SHCBP1: variants seen among roughly 807,000 people sequenced by gnomAD.
SHCBP1 encodes the protein SHC binding and spindle associated 1.
A neutral mutation model predicts 75.1 loss-of-function variants in SHCBP1; 60 were observed. The observed-to-expected ratio is 0.80, with a 90% CI of 0.65 to 0.99. The LOEUF is 0.99. Among genes scored for constraint, SHCBP1 ranks in the 50% least tolerant of loss-of-function variants. The probability of loss-of-function intolerance (pLI) is 0.00; values close to 1 mark genes in which losing one functional copy is unlikely to be tolerated. For missense variants in SHCBP1, 709 were observed against 809.4 expected (o/e 0.88, Z 1.50); for synonymous variants, 290 against 293.2 (o/e 0.99, Z 0.11).
chr16:46,584,754 T>A (rs912818694), intron 10 of SHCBP1, among the ~76,000 whole-genome samples: 3 of 152,204 alleles, frequency 2.0e-5, no homozygotes, highest in African/African-American at 7.2e-5. Flanking sequence ...ATTTCTTTCC[T>A]AATGCTATGC....
At chr16:46,608,737 GA>G (rs1965362591) in intron 4 of SHCBP1, among the ~76,000 whole-genome samples, 1 of 151,258 alleles carries the variant, frequency 6.6e-6, no homozygotes. Context: ...CCGAGTAGCT[GA>G]GATGGCACCC....
At position 46,621,334 on chromosome 16, in the gene SHCBP1, C is replaced by T. The variant is rs1320223317; in HGVS notation, c.26G>A (p.Gly9Asp). 1 of 1,611,342 alleles carries T rather than the reference C, an allele frequency of 6.2e-7. No homozygotes were observed. The highest frequency in any genetic ancestry group is 2.2e-5 in the East Asian group (1 of 44,852). MADGSLTG[G>D]GLEAAAMAPE... ...CGCCATGGCCGCTGCCTCCAGACCGCCGCCCGTCAGCGACCCGTCAGCCAT... is the reference window on the plus strand; with the variant it reads ...CGCCATGGCCGCTGCCTCCAGACCGTCGCCCGTCAGCGACCCGTCAGCCAT... The change falls in exon 1 of 13, where the codon GGC becomes GAC. Residue 9 changes from glycine (G) to aspartate (D), a missense_variant. Physicochemically the swap from Gly to Asp is moderately conservative, Grantham distance 94. Coordinates refer to ENST00000303383, the MANE Select transcript of SHCBP1 (RefSeq NM_024745.5).
In SHCBP1 at chr16:46,579,393, T is replaced by C. The variant is rs1271087050; in HGVS notation, c.*2336A>G. Among the ~76,000 whole-genome samples the C allele has an allele frequency of 2.6e-5, 4 of 152,130 alleles. No homozygotes were observed. In the East Asian group the frequency reaches 7.7e-4, roughly 29 times the overall value. ...TAGGCCTACTCATTATAATGAATCA[T>C]GTGAATAAAAATTAATATAAGCTTA... On this transcript the variant is annotated 3_prime_UTR_variant, in exon 13 of 13. Transcript: ENST00000303383.
chr16:46,583,792 A>C (rs1421217575), intron 11 of SHCBP1, 135 bp from the exon 12 acceptor site: 1 of 1,069,924 alleles, frequency 9.3e-7, no homozygotes, highest in Non-Finnish European at 1.3e-6. Context: ...CACAGTCTGC[A>C]CCCTTAGTGA....
chr16:46,578,650 A>C lies in SHCBP1; in HGVS notation c.*3079T>G, dbSNP rs1181824993. On this transcript the variant is annotated 3_prime_UTR_variant, in exon 13 of 13. Transcript: ENST00000303383. ...TAGTGAGAACTAAAAAAAGAGGAGA[A>C]TGTTCACCACATATAAGACTTTAAA... 1.3e-5 allele frequency among the ~76,000 whole-genome samples: 2 copies of C among 152,162 alleles called. No homozygotes were observed. Among genetic ancestry groups the C allele is most frequent in the Non-Finnish European group, 2.9e-5 (2 of 68,016 alleles).
intron 10 of SHCBP1, among the ~76,000 whole-genome samples, chr16:46,589,776 C>T (rs1162689531): frequency 6.6e-6 from 1 of 152,206 alleles, no homozygotes; most frequent in African/African-American, 2.4e-5. Context: ...ATGCCATCCC[C>T]ATCAAGCTAC....
Position 46,596,326 on chromosome 16 carries a change from T to C in SHCBP1, c.1346-656A>G, listed in dbSNP as rs529855401. Among the ~76,000 whole-genome samples the C allele has an allele frequency of 6.3e-4, 95 of 151,956 alleles. 1 individual carries two copies. The highest frequency in any genetic ancestry group is 5.9e-4 in the Non-Finnish European group (40 of 67,934). ...TTCAAGACCAACCTGGCCAACATGGTGAAAACCCGTCTCTACTAAAAAACA... is the reference window on the plus strand; with the variant it reads ...TTCAAGACCAACCTGGCCAACATGGCGAAAACCCGTCTCTACTAAAAAACA... On this transcript the variant is annotated intron_variant, in intron 9 of 12. Transcript: ENST00000303383.
intron 8 of SHCBP1, among the ~76,000 whole-genome samples, chr16:46,602,987 G>T (rs1309834200): frequency 6.6e-6 from 1 of 152,110 alleles, no homozygotes; most frequent in Admixed American, 6.5e-5. Context: ...AGTATACTTT[G>T]GTCAAGACAC....
intron 3 of SHCBP1, among the ~76,000 whole-genome samples, chr16:46,617,357 T>G (rs1009824816): frequency 4.6e-5 from 7 of 152,220 alleles, no homozygotes; most frequent in African/African-American, 1.7e-4. Flanking sequence ...TTAAACACTT[T>G]TTTGAAACCA....
In SHCBP1 at chr16:46,580,117, TC is replaced by T. The variant is rs1462376768; in HGVS notation, c.*1611del. ...TCCAGCCTGGGTGACAGAGCAAGACTCCATCTCAAAAAAAAAAAAAAAGTGA... is the reference window on the plus strand; with the variant it reads ...TCCAGCCTGGGTGACAGAGCAAGACTCATCTCAAAAAAAAAAAAAAAGTGA... On this transcript the variant is annotated 3_prime_UTR_variant, in exon 13 of 13. Transcript: ENST00000303383. Among the ~76,000 whole-genome samples, 1 of 143,080 alleles carries T rather than the reference TC, an allele frequency of 7.0e-6. No individual in the cohort carries two copies. Among genetic ancestry groups the T allele is most frequent in the African/African-American group, 2.6e-5 (1 of 38,380 alleles). 93.9% of individuals were successfully genotyped at this position (143,080 alleles called of 152,430 possible). A position where few individuals can be genotyped will look rare whatever the true frequency, so the allele number is the denominator to read the frequency against.
chr16:46,584,708 T>C (rs1456762609), intron 10 of SHCBP1, among the ~76,000 whole-genome samples: 1 of 152,200 alleles, frequency 6.6e-6, no homozygotes, highest in African/African-American at 2.4e-5. Flanking sequence ...TATTCTCTCA[T>C]ACCTTATGGC....
intron 9 of SHCBP1, among the ~76,000 whole-genome samples, chr16:46,597,584 A>C (rs1965163329): frequency 6.6e-6 from 1 of 152,234 alleles, no homozygotes; most frequent in Non-Finnish European, 1.5e-5. Flanking sequence ...CTGAGCCTTC[A>C]GCAAGACATA....
intron 4 of SHCBP1, among the ~76,000 whole-genome samples, chr16:46,611,582 A>G (rs1212616739): frequency 6.6e-6 from 1 of 152,206 alleles, no homozygotes; most frequent in East Asian, 1.9e-4. Flanking sequence ...ATTTATTTCA[A>G]TGTTTAAGAT....
At chr16:46,619,405 T>G (rs1212310545) in intron 1 of SHCBP1, among the ~76,000 whole-genome samples, 1 of 152,042 alleles carries the variant, frequency 6.6e-6, no homozygotes, top group East Asian at 1.9e-4. Flanking sequence ...TTGTCCCTGT[T>G]CAGGCCACCA....
intron 4 of SHCBP1, among the ~76,000 whole-genome samples, chr16:46,609,835 T>C (rs887790577): frequency 1.3e-5 from 2 of 151,972 alleles, no homozygotes; most frequent in Non-Finnish European, 2.9e-5. Flanking sequence ...ACAGAGAAAA[T>C]AGTATGATGA....
intron 10 of SHCBP1, among the ~76,000 whole-genome samples, chr16:46,586,034 G>C (rs1266805691): frequency 3.3e-5 from 5 of 152,154 alleles, no homozygotes; most frequent in Admixed American, 3.3e-4. Flanking sequence ...AGAAGATCCA[G>C]ATTCTCACAA....
chr16:46,613,559 C>G (rs79418249), intron 4 of SHCBP1, among the ~76,000 whole-genome samples: 6,243 of 152,270 alleles, frequency 0.041, 152 homozygotes, highest in African/African-American at 0.058. Flanking sequence ...GCTCCCAAAT[C>G]TTTTCCCTTC....
intron 8 of SHCBP1, among the ~76,000 whole-genome samples, chr16:46,601,600 T>C (rs1965238046): frequency 6.6e-6 from 1 of 152,180 alleles, no homozygotes; most frequent in Admixed American, 6.6e-5. Context: ...CCCTAGAGAA[T>C]GCAAGGGGAC....
At chr16:46,583,894 G>T in intron 11 of SHCBP1, 109 bp downstream of exon 11, 2 of 1,038,104 alleles carry the variant, frequency 1.9e-6, no homozygotes, top group Non-Finnish European at 2.8e-6. Context: ...TGTGTACACT[G>T]TTTATGCTTT....
Sources: gnomAD v4.1 joint callset for allele counts (sites outside exome capture counted in the v4.1 genomes callset) on GRCh38, gnomAD v4.1.1 for gene constraint, MANE v1.5 for transcripts, NCBI Gene and HGNC (gene_info 2026-07-23, HGNC 2026-07-21) for gene names.